Variants in NRG3 observed in about 807,000 individuals in gnomAD.
NRG3 encodes pro-neuregulin-3, membrane-bound isoform.
In NRG3, 31 loss-of-function variants were observed where a neutral mutation model predicts 66.9. The observed-to-expected ratio is 0.46, with a 90% CI of 0.35 to 0.63. The LOEUF is 0.63. Ranked by LOEUF, NRG3 falls within the 20% of genes least tolerant of loss-of-function variation. The pLI is 0.00. For synonymous variants in NRG3, 393 were observed against 359.4 expected (o/e 1.09, Z -1.06); for missense variants, 910 against 878.9 (o/e 1.04, Z -0.45).
At chr10:82,892,946 AT>A (rs1387864525) in intron 4 of NRG3, among the ~76,000 whole-genome samples, 1 of 152,024 alleles carries the variant, frequency 6.6e-6, no homozygotes, top group Admixed American at 6.6e-5. Context: ...AAAGGTAAAA[AT>A]ATGTGTGTGT....
At chr10:82,215,586 A>G (rs1227984994) in intron 1 of NRG3, among the ~76,000 whole-genome samples, 1 of 152,210 alleles carries the variant, frequency 6.6e-6, no homozygotes, top group Non-Finnish European at 1.5e-5. Flanking sequence ...AGACAATACT[A>G]TGACAAGCCA....
chr10:81,992,692 C>T (rs760136303), intron 1 of NRG3, among the ~76,000 whole-genome samples: 2 of 151,872 alleles, frequency 1.3e-5, no homozygotes, highest in Non-Finnish European at 2.9e-5. Context: ...CCTGTCACCT[C>T]CTCTTTTTCT....
At chr10:82,150,798 A>C (rs1213135782) in intron 1 of NRG3, among the ~76,000 whole-genome samples, 1 of 152,124 alleles carries the variant, frequency 6.6e-6, no homozygotes, top group Admixed American at 6.6e-5. Context: ...CTACTCTTTG[A>C]TTACACACAA....
At chr10:82,385,878 A>T (rs973182377) in intron 2 of NRG3, among the ~76,000 whole-genome samples, 10 of 152,152 alleles carry the variant, frequency 6.6e-5, no homozygotes, top group Non-Finnish European at 1.3e-4. Context: ...ATTAAACCAC[A>T]TTTCTGCTTT....
chr10:82,057,680 T>G (rs920879412), intron 1 of NRG3, among the ~76,000 whole-genome samples: 1 of 151,800 alleles, frequency 6.6e-6, no homozygotes, highest in African/African-American at 2.4e-5. Flanking sequence ...TGAGGGCAAA[T>G]TTTTGTTTAA....
chr10:81,881,855 T>C (rs994569459), intron 1 of NRG3, among the ~76,000 whole-genome samples: 2 of 152,118 alleles, frequency 1.3e-5, no homozygotes, highest in African/African-American at 4.8e-5. Context: ...TTTTTTCTTT[T>C]AAAAGACACT....
chr10:82,243,856 G>T (rs2077114511), intron 1 of NRG3, among the ~76,000 whole-genome samples: 1 of 152,128 alleles, frequency 6.6e-6, no homozygotes, highest in African/African-American at 2.4e-5. Context: ...ATACAGCAAA[G>T]GAGAGAAATT....
chr10:82,312,957 G>T (rs1200224991), intron 1 of NRG3, among the ~76,000 whole-genome samples: 1 of 152,002 alleles, frequency 6.6e-6, no homozygotes, highest in Non-Finnish European at 1.5e-5. Context: ...CAGACGGATC[G>T]CTTGAGCTCA....
intron 2 of NRG3, among the ~76,000 whole-genome samples, chr10:82,369,684 G>A (rs2084762611): frequency 7.2e-6 from 1 of 138,894 alleles, no homozygotes; most frequent in Non-Finnish European, 1.5e-5. Flanking sequence ...GTTCCATGAT[G>A]AGTATGACAT....
intron 7 of NRG3, among the ~76,000 whole-genome samples, chr10:82,978,139 C>T (rs983223202): frequency 7.9e-5 from 12 of 152,234 alleles, no homozygotes; most frequent in African/African-American, 2.9e-4. Flanking sequence ...AGGGTCAATT[C>T]AGTGGGGTGG....
chr10:82,004,423 G>A (rs2061303816), intron 1 of NRG3, among the ~76,000 whole-genome samples: 2 of 152,112 alleles, frequency 1.3e-5, no homozygotes, highest in South Asian at 4.1e-4. Flanking sequence ...CTTGAGCAGA[G>A]TGAAGAACTT....
intron 2 of NRG3, among the ~76,000 whole-genome samples, chr10:82,633,490 C>T (rs531234722): frequency 1.6e-4 from 24 of 152,066 alleles, no homozygotes; most frequent in Admixed American, 2.6e-4. Context: ...GGTGAAAAAG[C>T]GGACAAGTGT....
At chr10:82,725,487 C>T (rs1314349981) in intron 2 of NRG3, among the ~76,000 whole-genome samples, 2 of 152,100 alleles carry the variant, frequency 1.3e-5, no homozygotes, top group Admixed American at 6.6e-5. Context: ...AGTGCCTTAT[C>T]CTTAAAACAA....
chr10:82,412,937 G>A (rs2088220050), intron 2 of NRG3, among the ~76,000 whole-genome samples: 1 of 152,128 alleles, frequency 6.6e-6, no homozygotes, highest in East Asian at 1.9e-4. Flanking sequence ...TCTTCCTGCT[G>A]TACTTCTAAT....
intron 1 of NRG3, among the ~76,000 whole-genome samples, chr10:82,288,526 C>T (rs996356562): frequency 6.6e-6 from 1 of 152,144 alleles, no homozygotes; most frequent in South Asian, 2.1e-4. Flanking sequence ...GATGCTGTGC[C>T]GTGTGGGATG....
intron 1 of NRG3, among the ~76,000 whole-genome samples, chr10:82,140,219 T>G (rs772608936): frequency 1.3e-5 from 2 of 152,164 alleles, no homozygotes; most frequent in Non-Finnish European, 2.9e-5. Context: ...CTTCATTCAC[T>G]TATTATTTTA....
intron 2 of NRG3, among the ~76,000 whole-genome samples, chr10:82,677,062 CTT>C (rs34914984): frequency 1.0e-4 from 14 of 135,244 alleles, no homozygotes; most frequent in Non-Finnish European, 1.1e-4. Flanking sequence ...CTCTCTCTCT[CTT>C]TTTTTTTTTT....
At chr10:82,710,853 A>G (rs1230938378) in intron 2 of NRG3, among the ~76,000 whole-genome samples, 3 of 152,022 alleles carry the variant, frequency 2.0e-5, no homozygotes, top group African/African-American at 7.2e-5. Context: ...CATTTTGTTT[A>G]TATGATTTGC....
chr10:82,655,545 C>T (rs552471440), intron 2 of NRG3, among the ~76,000 whole-genome samples: 1 of 152,170 alleles, frequency 6.6e-6, no homozygotes, highest in East Asian at 1.9e-4. Flanking sequence ...ATACAGATAC[C>T]CTCCTCTACT....
Sources: gnomAD v4.1 joint callset for allele counts (sites outside exome capture counted in the v4.1 genomes callset) on GRCh38, gnomAD v4.1.1 for gene constraint, MANE v1.5 for transcripts, NCBI Gene and HGNC (gene_info 2026-07-23, HGNC 2026-07-21) for gene names.